Variants in MAX observed in about 807,000 individuals in gnomAD.
MAX encodes protein max.
A neutral mutation model predicts 22.3 loss-of-function variants in MAX; 3 were observed. That is an observed-to-expected ratio of 0.13 (90% CI 0.06 to 0.35). MAX has a LOEUF of 0.35. Among genes scored for constraint, MAX ranks in the 10% least tolerant of loss-of-function variants. MAX has a pLI of 1.00. For synonymous variants in MAX, 72 were observed against 77.7 expected (o/e 0.93, Z 0.39); for missense variants, 119 against 209.4 (o/e 0.57, Z 2.66).
intron 2 of MAX, among the ~76,000 whole-genome samples, chr14:65,101,330 C>T (rs2063824889): frequency 6.6e-6 from 1 of 151,610 alleles, no homozygotes; most frequent in South Asian, 2.1e-4. Context: ...GCTCCTCTTA[C>T]TCACCTAGAA....
intron 3 of MAX, among the ~76,000 whole-genome samples, chr14:65,037,064 TC>T (rs1184336167): frequency 1.3e-5 from 2 of 152,132 alleles, no homozygotes; most frequent in Non-Finnish European, 1.5e-5. Context: ...TTACAGTATT[TC>T]TTTGATAATT....
chr14:65,021,999 G>A (rs1417855918), intron 3 of MAX: 2 of 456,028 alleles, frequency 4.4e-6, no homozygotes, highest in Non-Finnish European at 8.8e-6. Flanking sequence ...GCCATCCAGA[G>A]ACTTGCCGGT....
At chr14:65,073,633 T>C (rs932484797), downstream of MAX, among the ~76,000 whole-genome samples, 2 of 152,192 alleles carry the variant, frequency 1.3e-5, no homozygotes, top group Non-Finnish European at 2.9e-5. Flanking sequence ...GAGATTACCA[T>C]TACTGTGAGA....
chr14:65,079,527 G>A lies in MAX; in HGVS notation c.172-1491C>T, dbSNP rs1437500179. Among the ~76,000 whole-genome samples the A allele has an allele frequency of 6.6e-6, 1 of 152,206 alleles. No individual in the cohort carries two copies. The highest frequency in any genetic ancestry group is 1.5e-5 in the Non-Finnish European group (1 of 68,038). On this transcript the variant is annotated intron_variant, in intron 3 of 4. Transcript: ENST00000358664. The surrounding 1 kb of genome is among the most constrained non-coding windows in gnomAD (Gnocchi z 4.5). Reference sequence around the variant, plus strand: ...AGCCAAACTGGTAGAATAGTACAAAGCCAAGCGAAGCTCAAGGCGGGGTAG... The same window carrying A: ...AGCCAAACTGGTAGAATAGTACAAAACCAAGCGAAGCTCAAGGCGGGGTAG...
chr14:65,050,959 G>C (rs1227345863), intron 3 of MAX, among the ~76,000 whole-genome samples: 4 of 152,226 alleles, frequency 2.6e-5, no homozygotes, highest in African/African-American at 9.6e-5. Flanking sequence ...AAAGAAGATA[G>C]AGTGAAGTCC....
rs1412888475 is a variant in MAX, at chr14:65,054,429, C to G, written c.171+39279G>C. The G allele has an allele frequency of 1.3e-6, 1 of 778,152 alleles. No individual in the cohort carries two copies. The highest frequency in any genetic ancestry group is 2.1e-6 in the Non-Finnish European group (1 of 486,374). The allele number at this position is 778,152 out of a possible 1,614,324, so 48.2% of individuals were successfully genotyped here. On this transcript the variant is annotated intron_variant, in intron 3 of 3. Coordinates refer to the MAX transcript ENST00000341653. The surrounding 1 kb of genome is among the most constrained non-coding windows in gnomAD (Gnocchi z 4.4). ...TCAGCCAGTGGGGCTTTAAATAACA[C>G]TGCTGGGAAAACCATGCCTCCTCTA...
chr14:65,068,164 G>A (rs1482551098), intron 3 of MAX, among the ~76,000 whole-genome samples: 3 of 152,048 alleles, frequency 2.0e-5, no homozygotes, highest in Non-Finnish European at 2.9e-5. Context: ...AAGTGGGGAG[G>A]TGGCTCACGC....
Position 65,076,157 on chromosome 14 carries a change from C to G in MAX, c.*319G>C, listed in dbSNP as rs1240399713. ...AGGAGCTGGTAGGGTGGGCAGGACA[C>G]TATGTGCTCAGAGGTCCGGCCGGCC... On this transcript the variant is annotated 3_prime_UTR_variant, in exon 5 of 5. Coordinates refer to ENST00000358664, the MANE Select transcript of MAX (RefSeq NM_002382.5). The surrounding 1 kb of genome is among the most constrained non-coding windows in gnomAD (Gnocchi z 6.6). 7.4e-7 allele frequency: 1 copy of G among 1,357,758 alleles called. No homozygotes were observed. The highest frequency in any genetic ancestry group is 9.5e-7 in the Non-Finnish European group (1 of 1,054,970). The allele number at this position is 1,357,758 out of a possible 1,614,324, so 84.1% of individuals were successfully genotyped here. A position where few individuals can be genotyped will look rare whatever the true frequency, so the allele number is the denominator to read the frequency against.
rs1323467017 is a variant in MAX, at chr14:65,031,167, A to G, written c.172-24883T>C. On this transcript the variant is annotated intron_variant, in intron 3 of 3. Transcript: ENST00000341653. This position sits in a 1 kb window ranked among gnomAD's most constrained non-coding sequence, Gnocchi z 4.6. Reference sequence around the variant, plus strand: ...GATTTTTGTCTTCCCTGTGCCGGGTATTTGAAAAAACCATAGAGGGGAAGG... The same window carrying G: ...GATTTTTGTCTTCCCTGTGCCGGGTGTTTGAAAAAACCATAGAGGGGAAGG... Among the ~76,000 whole-genome samples, 1 of 152,092 alleles carries G rather than the reference A, an allele frequency of 6.6e-6. No homozygotes were observed. The highest frequency in any genetic ancestry group is 1.5e-5 in the Non-Finnish European group (1 of 68,014).
At chr14:65,097,819 TA>T (rs1236794358) in intron 2 of MAX, among the ~76,000 whole-genome samples, 1 of 152,144 alleles carries the variant, frequency 6.6e-6, no homozygotes, top group Non-Finnish European at 1.5e-5. Context: ...TAACATAAAA[TA>T]ATAGGCAGGT....
intron 3 of MAX, among the ~76,000 whole-genome samples, chr14:65,019,625 T>G (rs1366663920): frequency 6.6e-6 from 1 of 152,254 alleles, no homozygotes; most frequent in Non-Finnish European, 1.5e-5. Flanking sequence ...AAAAACCACT[T>G]GACAGTTAAT....
rs899139760 is a variant in MAX at position 65,062,344 on chromosome 14, A to C, written c.171+31364T>G. 9 of 152,362 alleles carry C rather than the reference A, an allele frequency of 5.9e-5. No individual in the cohort carries two copies. The highest frequency in any genetic ancestry group is 2.2e-4 in the African/African-American group (9 of 41,472). 9.4% of individuals were successfully genotyped at this position (152,362 alleles called of 1,614,324 possible). ...TCAAGTGCTAGACACACTGGCTGCT[A>C]CTAAGGCACTAGCCTCTGTAGCTGG... On this transcript the variant is annotated intron_variant, in intron 3 of 3. Coordinates refer to the MAX transcript ENST00000341653. The surrounding 1 kb of genome is among the most constrained non-coding windows in gnomAD (Gnocchi z 4.3).
chr14:65,046,595 G>T (rs2062485365), intron 3 of MAX, among the ~76,000 whole-genome samples: 1 of 152,196 alleles, frequency 6.6e-6, no homozygotes, highest in African/African-American at 2.4e-5. Flanking sequence ...TTGGCTGGGA[G>T]AAGGCCTGTG....
At chr14:65,040,498 T>G (rs948216941) in intron 3 of MAX, among the ~76,000 whole-genome samples, 3 of 151,840 alleles carry the variant, frequency 2.0e-5, no homozygotes, top group African/African-American at 7.3e-5. Flanking sequence ...TGGAGCACAA[T>G]GGTGTGATCA....
Position 65,077,672 on chromosome 14 carries a change from C to T in MAX, c.295+241G>A. The T allele has an allele frequency of 6.6e-7, 1 of 1,511,952 alleles. No homozygotes were observed. Among genetic ancestry groups the T allele is most frequent in the South Asian group, 1.2e-5 (1 of 83,984 alleles). 93.7% of individuals were successfully genotyped at this position (1,511,952 alleles called of 1,614,324 possible). On this transcript the variant is annotated intron_variant, in intron 4 of 4. Coordinates refer to ENST00000358664, the MANE Select transcript of MAX (RefSeq NM_002382.5). The surrounding 1 kb of genome is among the most constrained non-coding windows in gnomAD (Gnocchi z 6.3). Reference sequence around the variant, plus strand: ...AGCCCCAAGAAGGGGAGAGGTCAGGCCAGAAAAGATACAAGTCTCCAGATG... The same window carrying T: ...AGCCCCAAGAAGGGGAGAGGTCAGGTCAGAAAAGATACAAGTCTCCAGATG...
rs113623067 is a variant in MAX at position 65,078,536 on chromosome 14, T to G, written c.172-500A>C. 0.079 allele frequency among the ~76,000 whole-genome samples: 11,705 copies of G among 148,830 alleles called. 1,048 individuals are homozygous for G. Among genetic ancestry groups the G allele is most frequent in the African/African-American group, 0.23 (8,938 of 39,646 alleles). On this transcript the variant is annotated intron_variant, in intron 3 of 4. Coordinates refer to ENST00000358664, the MANE Select transcript of MAX (RefSeq NM_002382.5). The surrounding 1 kb of genome is among the most constrained non-coding windows in gnomAD (Gnocchi z 6.4). ...TGTTGTTGTTGTTGTTGTTGTTGTT[T>G]TTTTTTTTTTGGAGACGTAGTCTCG...
Position 65,077,885 on chromosome 14 carries a change from C to G in MAX, c.295+28G>C. On this transcript the variant is annotated intron_variant, in intron 4 of 4. Coordinates refer to ENST00000358664, the MANE Select transcript of MAX (RefSeq NM_002382.5). This position sits in a 1 kb window ranked among gnomAD's most constrained non-coding sequence, Gnocchi z 6.3. ...TGACCTGGCTGGAGCACAGCAGGGC[C>G]AGCTGCCCCACGAGCTCGGGTGCTC... The G allele has an allele frequency of 6.2e-7, 1 of 1,614,238 alleles. No homozygotes were observed.
At chr14:65,057,256 G>GT (rs1445294404) in intron 3 of MAX, among the ~76,000 whole-genome samples, 1 of 152,066 alleles carries the variant, frequency 6.6e-6, no homozygotes, top group Non-Finnish European at 1.5e-5. Context: ...TGTTTTTGGT[G>GT]TTTTTTTGTT....
At position 65,101,584 on chromosome 14, in the gene MAX, G is replaced by T; in HGVS notation, c.37-12C>A. 6.4e-7 allele frequency: 1 copy of T among 1,569,732 alleles called. No homozygotes were observed. Among genetic ancestry groups the T allele is most frequent in the Non-Finnish European group, 8.7e-7 (1 of 1,147,610 alleles). On this transcript the variant is annotated splice_polypyrimidine_tract_variant and intron_variant, in intron 1 of 4. Coordinates refer to ENST00000358664, the MANE Select transcript of MAX (RefSeq NM_002382.5). ...CTCGGTTGCTCTTCCTGGAATAAGA[G>T]AGAAAAAAAAAAATAGAAAATATAG...
Sources: allele counts gnomAD v4.1 joint callset (sites outside exome capture counted in the v4.1 genomes callset), GRCh38; gene constraint gnomAD v4.1.1; non-coding constraint Gnocchi (gnomAD v3.1); transcripts MANE v1.5; gene names NCBI Gene and HGNC (gene_info 2026-07-23, HGNC 2026-07-21).